The following VIT variants were observed in gnomAD, a reference collection of about 807,000 sequenced individuals.
VIT encodes vitrin.
Under a neutral mutation model 78.0 loss-of-function variants are expected in VIT, and 99 were observed. That is an observed-to-expected ratio of 1.27 (90% CI 1.08 to 1.50). VIT has a LOEUF of 1.50. Among genes scored for constraint, VIT ranks in the 40% most tolerant of loss-of-function variants. The probability of loss-of-function intolerance (pLI) is 0.00; values close to 1 mark genes in which losing one functional copy is unlikely to be tolerated. For missense variants in VIT, 1,126 were observed against 875.3 expected, an observed-to-expected ratio of 1.29 and a Z score of -3.61; for synonymous variants, 374 against 334.3, an observed-to-expected ratio of 1.12 and a Z score of -1.29.
In VIT at chr2:36,698,817, G is replaced by A. The variant is rs571408103; in HGVS notation, c.-19+1844G>A. On this transcript the variant is annotated intron_variant, in intron 1 of 15. Transcript: ENST00000379242. ...AAATTAGCCAGGCATGATGGCGGGT[G>A]CCTGTAATCCCAGCTACTCGGGAGG... Among the ~76,000 whole-genome samples, 14 of 152,080 alleles carry A rather than the reference G, an allele frequency of 9.2e-5. No individual in the cohort carries two copies. In the South Asian group the frequency reaches 2.7e-3, roughly 29 times the overall value.
chr2:36,811,537 G>A (rs1408269435), intron 15 of VIT, among the ~76,000 whole-genome samples: 1 of 152,208 alleles, frequency 6.6e-6, no homozygotes, highest in Non-Finnish European at 1.5e-5. Context: ...AATGTAATGA[G>A]CATTGTGTTC....
At chr2:36,724,842 A>G (rs984020042) in intron 2 of VIT, among the ~76,000 whole-genome samples, 1 of 152,214 alleles carries the variant, frequency 6.6e-6, no homozygotes, top group Non-Finnish European at 1.5e-5. Context: ...GGCCAAGAAC[A>G]GTTTTTGGTT....
At position 36,808,629 on chromosome 2, in the gene VIT, A is replaced by G; in HGVS notation, c.1547A>G (p.Asp516Gly). ...LNSADIGFVI[D>G]GSSSVGTGNF... Reference sequence around the variant, plus strand: ...TCGGCTGACATTGGCTTCGTCATCGACGGCTCCAGCAGTGTGGGGACGGGC... The same window carrying G: ...TCGGCTGACATTGGCTTCGTCATCGGCGGCTCCAGCAGTGTGGGGACGGGC... The change falls in exon 15 of 16, where the codon GAC (aspartate) becomes GGC (glycine). Residue 516 changes from aspartate to glycine, a missense_variant. By Grantham distance (94) the Asp-to-Gly change is moderately conservative (BLOSUM62 -1). Coordinates refer to ENST00000379242, the MANE Select transcript of VIT (RefSeq NM_053276.4). The G allele has an allele frequency of 3.1e-6, 5 of 1,614,208 alleles. No homozygotes were observed. The South Asian group carries it at 5.5e-5, about 18-fold the overall frequency.
chr2:36,765,711 G>A (rs759035811), intron 6 of VIT, among the ~76,000 whole-genome samples: 11 of 152,246 alleles, frequency 7.2e-5, no homozygotes, highest in Non-Finnish European at 1.2e-4. Flanking sequence ...CACAAGCCAA[G>A]GAATGCCAGC....
At position 36,814,254 on chromosome 2, in the gene VIT, G is replaced by GC. The variant is rs1667404843; in HGVS notation, c.1977dup (p.Arg660GlnfsTer11). ...GCTAGAAGTCATTGCCACTCACCCCGCCAGAGACCACTCCTTCTTTGTGGA... is the reference window on the plus strand; with the variant it reads ...GCTAGAAGTCATTGCCACTCACCCCGCCCAGAGACCACTCCTTCTTTGTGGA... On this transcript the variant is annotated frameshift_variant, in exon 16 of 16. Transcript: ENST00000379242. LOFTEE classifies it high-confidence loss of function. 1.9e-6 allele frequency: 3 copies of GC among 1,614,052 alleles called. No homozygotes were observed. The highest frequency in any genetic ancestry group is 2.5e-6 in the Non-Finnish European group (3 of 1,180,028).
At chr2:36,792,152 C>T (rs1206616983) in intron 12 of VIT, among the ~76,000 whole-genome samples, 4 of 152,048 alleles carry the variant, frequency 2.6e-5, no homozygotes, top group African/African-American at 9.7e-5. Context: ...GGGATGAGAC[C>T]CAGAGCTTGG....
At chr2:36,808,187 CA>C (rs1212182234) in intron 14 of VIT, among the ~76,000 whole-genome samples, 1 of 152,212 alleles carries the variant, frequency 6.6e-6, no homozygotes, top group African/African-American at 2.4e-5. Flanking sequence ...GTGAAGCTGA[CA>C]CCAGAGATTT....
chr2:36,804,198 C>G (rs1390744094), intron 13 of VIT, among the ~76,000 whole-genome samples: 2 of 152,172 alleles, frequency 1.3e-5, no homozygotes, highest in Non-Finnish European at 1.5e-5. Flanking sequence ...TTATGGAAAG[C>G]TAGGCCCAGA....
chr2:36,715,952 T>G (rs185691544), intron 1 of VIT, among the ~76,000 whole-genome samples: 92 of 152,342 alleles, frequency 6.0e-4, no homozygotes, highest in African/African-American at 2.1e-3. Flanking sequence ...TAATAGGAGT[T>G]TAATAAATAT....
chr2:36,748,997 C>A (rs747597438), intron 4 of VIT, among the ~76,000 whole-genome samples: 1 of 152,182 alleles, frequency 6.6e-6, no homozygotes, highest in African/African-American at 2.4e-5. Flanking sequence ...CTCCGTCGAC[C>A]TTACTGTGGA....
intron 6 of VIT, among the ~76,000 whole-genome samples, chr2:36,760,952 C>T (rs1453953727): frequency 1.3e-5 from 2 of 152,174 alleles, no homozygotes; most frequent in African/African-American, 2.4e-5. Flanking sequence ...ACTCCAGCTG[C>T]ACCCCTCCCC....
chr2:36,771,134 T>C (rs887867047), intron 7 of VIT, among the ~76,000 whole-genome samples: 1 of 152,036 alleles, frequency 6.6e-6, no homozygotes, highest in East Asian at 1.9e-4. Context: ...TTACAAATAG[T>C]AAGAAAAAGA....
intron 12 of VIT, among the ~76,000 whole-genome samples, chr2:36,793,207 C>A (rs796096898): frequency 2.6e-5 from 4 of 152,086 alleles, no homozygotes; most frequent in African/African-American, 9.7e-5. Context: ...GCATATTGCA[C>A]GTGATTCACA....
At chr2:36,759,750 G>T in intron 6 of VIT, 2 of 836,022 alleles carry the variant, frequency 2.4e-6, no homozygotes, top group Non-Finnish European at 2.9e-6. Context: ...TTCAGGTTCT[G>T]TTCATGTACT....
chr2:36,746,286 A>G (rs1668130107), intron 4 of VIT, among the ~76,000 whole-genome samples: 1 of 151,804 alleles, frequency 6.6e-6, no homozygotes, highest in Non-Finnish European at 1.5e-5. Context: ...ACATGTCTCA[A>G]CTAGGTTTTG....
intron 2 of VIT, among the ~76,000 whole-genome samples, chr2:36,722,195 T>A (rs1310310682): frequency 6.6e-6 from 1 of 152,186 alleles, no homozygotes; most frequent in African/African-American, 2.4e-5. Flanking sequence ...AGAGCAGAGT[T>A]TTATACTGCT....
rs62132485 is a variant in VIT at position 36,771,727 on chromosome 2, C to T, written c.680-2064C>T. Reference sequence around the variant, plus strand: ...ATATATCCTAAGGTAATTATCAACCCGGGGTGAGAACAGATGCTGTTCATA... The same window carrying T: ...ATATATCCTAAGGTAATTATCAACCTGGGGTGAGAACAGATGCTGTTCATA... On this transcript the variant is annotated intron_variant, in intron 7 of 15. Transcript: ENST00000379242. Among the ~76,000 whole-genome samples, 813 of 151,962 alleles carry T rather than the reference C, an allele frequency of 5.4e-3. 6 individuals are homozygous for T. The highest frequency in any genetic ancestry group is 9.7e-3 in the African/African-American group (401 of 41,412).
chr2:36,766,499 G>A (rs1558553051), intron 6 of VIT, among the ~76,000 whole-genome samples: 1 of 152,132 alleles, frequency 6.6e-6, no homozygotes, highest in African/African-American at 2.4e-5. Context: ...CCACTGCACT[G>A]CAGCCTGGGT....
At chr2:36,707,064 G>A (rs1205522023) in intron 1 of VIT, among the ~76,000 whole-genome samples, 3 of 152,152 alleles carry the variant, frequency 2.0e-5, no homozygotes, top group Admixed American at 2.0e-4. Flanking sequence ...ACTCTCTGCA[G>A]ACTCTGGTAT....
Sources: gnomAD v4.1 joint callset for allele counts (sites outside exome capture counted in the v4.1 genomes callset) on GRCh38, gnomAD v4.1.1 for gene constraint, MANE v1.5 for transcripts, NCBI Gene and HGNC (gene_info 2026-07-23, HGNC 2026-07-21) for gene names.